The following CORO2A variants were observed in gnomAD, a reference collection of about 807,000 sequenced individuals.
CORO2A encodes coronin-2A.
In CORO2A, 47 loss-of-function variants were observed where a neutral mutation model predicts 62.4. That is an observed-to-expected ratio of 0.75 (90% CI 0.60 to 0.96). The LOEUF is 0.96. Among genes scored for constraint, CORO2A ranks in the 40% least tolerant of loss-of-function variants. The pLI is 0.00. For synonymous variants in CORO2A, 273 were observed against 268.9 expected, an observed-to-expected ratio of 1.02 and a Z score of -0.15; for missense variants, 610 against 684.1, an observed-to-expected ratio of 0.89 and a Z score of 1.21.
In CORO2A at chr9:98,124,775, C is replaced by T; in HGVS notation, c.1577G>A (p.Ter526=). 1 of 1,610,044 alleles carries T rather than the reference C, an allele frequency of 6.2e-7. No homozygotes were observed. The highest frequency in any genetic ancestry group is 8.5e-7 in the Non-Finnish European group (1 of 1,178,488). The change falls in exon 12 of 12, where the codon TGA becomes TAA. Residue 526 remains the stop codon, a stop_retained_variant. Coordinates refer to ENST00000375077, the MANE Select transcript of CORO2A (RefSeq NM_052820.4). ...GGTGAGGAGGGCAGAGGTCTCTGCT[C>T]AGAGCTGCTCTGAGCCCATCCGCAA... ...KNLRMGSEQL[*]
At chr9:98,142,846 CCTGCCCTGCGCTGCCCTGCG>C (rs200366408) in intron 2 of CORO2A, among the ~76,000 whole-genome samples, 16 of 142,210 alleles carry the variant, frequency 1.1e-4, no homozygotes, top group South Asian at 2.2e-4. Flanking sequence ...CCTGCCCTGC[CCTGCCCTGCGCTGCCCTGCG>C]CTGCCCTGCG....
intron 1 of CORO2A, among the ~76,000 whole-genome samples, chr9:98,165,029 C>T (rs991987848): frequency 1.3e-5 from 2 of 152,092 alleles, no homozygotes; most frequent in South Asian, 2.1e-4. Context: ...AGTGCAGAGG[C>T]GTGATCAGTG....
At chr9:98,129,952 G>T in intron 7 of CORO2A, 62 bp from the exon 8 acceptor site, 4 of 1,314,338 alleles carry the variant, frequency 3.0e-6, no homozygotes, top group Non-Finnish European at 4.4e-6. Flanking sequence ...CAGCTCATCA[G>T]CAACCCAGCC....
At chr9:98,154,905 C>T (rs896158737) in intron 2 of CORO2A, among the ~76,000 whole-genome samples, 25 of 152,206 alleles carry the variant, frequency 1.6e-4, no homozygotes, top group African/African-American at 5.8e-4. Context: ...CATTCTTATG[C>T]TTCTGTTCTG....
intron 3 of CORO2A, among the ~76,000 whole-genome samples, chr9:98,136,068 T>A (rs1220512307): frequency 6.6e-6 from 1 of 152,196 alleles, no homozygotes; most frequent in African/African-American, 2.4e-5. Context: ...GGAAAGCCCC[T>A]TCCTTCTTCA....
intron 1 of CORO2A, among the ~76,000 whole-genome samples, chr9:98,162,539 G>T (rs559324896): frequency 1.3e-5 from 2 of 152,316 alleles, no homozygotes; most frequent in East Asian, 1.9e-4. Context: ...TCACAAGTAG[G>T]GGGTGGGGCA....
intron 9 of CORO2A, 114 bp from the exon 10 acceptor site, chr9:98,128,374 T>G: frequency 2.2e-6 from 2 of 910,934 alleles, no homozygotes; most frequent in Admixed American, 4.4e-5. Flanking sequence ...TTGAGGAAAC[T>G]GAGGCCCAGA....
At chr9:98,145,584 G>C (rs1353882335) in intron 2 of CORO2A, among the ~76,000 whole-genome samples, 1 of 152,204 alleles carries the variant, frequency 6.6e-6, no homozygotes, top group African/African-American at 2.4e-5. Context: ...GGCTAGGACA[G>C]GGCATAGAGG....
chr9:98,121,781 G>A lies in CORO2A; in HGVS notation c.*2993C>T, dbSNP rs985066175. 2 of 152,252 alleles carry A rather than the reference G, an allele frequency of 1.3e-5. No homozygotes were observed. Among genetic ancestry groups the A allele is most frequent in the Non-Finnish European group, 2.9e-5 (2 of 68,106 alleles). 9.4% of individuals were successfully genotyped at this position (152,252 alleles called of 1,614,324 possible). A position where few individuals can be genotyped will look rare whatever the true frequency, so the allele number is the denominator to read the frequency against. On this transcript the variant is annotated 3_prime_UTR_variant, in exon 12 of 12. Coordinates refer to ENST00000375077, the MANE Select transcript of CORO2A (RefSeq NM_052820.4). ...CCTGACCTGTGTTAGAACAGCATGT[G>A]TCACTGAGTGGAGGTGGGAGGAATT... is the stretch of plus-strand genomic sequence containing the variant.
At chr9:98,171,192 C>T (rs980852100) in intron 1 of CORO2A, among the ~76,000 whole-genome samples, 3 of 152,222 alleles carry the variant, frequency 2.0e-5, no homozygotes, top group African/African-American at 7.2e-5. Context: ...TCAGACCTGT[C>T]TTTGGACAGA....
Position 98,132,309 on chromosome 9 carries a change from G to A in CORO2A, c.649-8C>T, listed in dbSNP as rs755503339. On this transcript the variant is annotated splice_polypyrimidine_tract_variant and splice_region_variant and intron_variant, in intron 5 of 11. Coordinates refer to ENST00000375077, the MANE Select transcript of CORO2A (RefSeq NM_052820.4). ...CCCTTTGTAGCTGGCCTCCTGGAGGGACACGTGCGGTCGGTATTGGAGAGA... is the reference window on the plus strand; with the variant it reads ...CCCTTTGTAGCTGGCCTCCTGGAGGAACACGTGCGGTCGGTATTGGAGAGA... 7.5e-6 allele frequency: 12 copies of A among 1,610,424 alleles called. No homozygotes were observed. The African/African-American group carries it at 1.3e-4, about 18-fold the overall frequency.
chr9:98,138,285 T>C (rs1334271060), intron 2 of CORO2A, among the ~76,000 whole-genome samples: 1 of 151,840 alleles, frequency 6.6e-6, no homozygotes, highest in Non-Finnish European at 1.5e-5. Context: ...CGTGGTAGCA[T>C]GCACCTGTAA....
intron 1 of CORO2A, among the ~76,000 whole-genome samples, chr9:98,171,549 A>G (rs1316058362): frequency 2.0e-5 from 3 of 152,218 alleles, no homozygotes; most frequent in Admixed American, 2.0e-4. Context: ...CAGGGTCATC[A>G]GGGCTAAAGC....
At chr9:98,174,461 T>C (rs1478766640) in intron 1 of CORO2A, among the ~76,000 whole-genome samples, 1 of 152,202 alleles carries the variant, frequency 6.6e-6, no homozygotes, top group Non-Finnish European at 1.5e-5. Flanking sequence ...CATTAAATAA[T>C]AGAGTAGGCT....
chr9:98,127,915 G>T (rs1189469258), intron 10 of CORO2A, among the ~76,000 whole-genome samples: 1 of 149,716 alleles, frequency 6.7e-6, no homozygotes, highest in Non-Finnish European at 1.5e-5. Context: ...ACCCCACATA[G>T]CCCCAGAGTG....
At chr9:98,148,744 C>A (rs953676051) in intron 2 of CORO2A, among the ~76,000 whole-genome samples, 1 of 121,250 alleles carries the variant, frequency 8.2e-6, no homozygotes, top group Middle Eastern at 4.1e-3. Flanking sequence ...AGAGCCAGAG[C>A]TTGTCTCAAA....
intron 1 of CORO2A, among the ~76,000 whole-genome samples, chr9:98,168,258 T>A (rs1049787639): frequency 1.3e-5 from 2 of 152,252 alleles, no homozygotes; most frequent in African/African-American, 2.4e-5. Flanking sequence ...AACATGCCCA[T>A]CTCTGAACAA....
chr9:98,180,039 A>C (rs577808008), intron 1 of CORO2A, among the ~76,000 whole-genome samples: 25 of 152,198 alleles, frequency 1.6e-4, no homozygotes, highest in Non-Finnish European at 2.9e-4. Context: ...CAAGCAAAAA[A>C]AACTGCCTCA....
chr9:98,190,730 C>T (rs765953010), intron 1 of CORO2A, among the ~76,000 whole-genome samples: 1 of 152,162 alleles, frequency 6.6e-6, no homozygotes, highest in Non-Finnish European at 1.5e-5. Context: ...GCCAAAAAGG[C>T]TTGAATTAGG....
Sources: allele counts gnomAD v4.1 joint callset (sites outside exome capture counted in the v4.1 genomes callset), GRCh38; gene constraint gnomAD v4.1.1; transcripts MANE v1.5; gene names NCBI Gene and HGNC (gene_info 2026-07-23, HGNC 2026-07-21).